USP3: variants seen among roughly 807,000 people sequenced by gnomAD.
USP3 encodes the protein ubiquitin specific peptidase 3.
Under a neutral mutation model 72.3 loss-of-function variants are expected in USP3, and 20 were observed. The ratio of observed to expected loss-of-function variants is 0.28; its 90% confidence interval spans 0.19 to 0.40. The LOEUF (loss-of-function observed/expected upper bound fraction) is 0.40. Ranked by LOEUF, USP3 falls within the 10% of genes least tolerant of loss-of-function variation. The pLI, the probability that USP3 is intolerant of heterozygous loss-of-function variation, is 1.00. For synonymous variants in USP3, 222 were observed against 225.3 expected (o/e 0.99, Z 0.13); for missense variants, 479 against 633.9 (o/e 0.76, Z 2.62).
chr15:63,563,392 C>T (rs2066638589), intron 8 of USP3, among the ~76,000 whole-genome samples: 1 of 152,144 alleles, frequency 6.6e-6, no homozygotes, highest in South Asian at 2.1e-4. Flanking sequence ...AGTAGAAGTG[C>T]ATGGTATTAT....
At position 63,528,995 on chromosome 15, in the gene USP3, A is replaced by G. The variant is rs2066026872; in HGVS notation, c.92-3652A>G. Reference sequence around the variant, plus strand: ...GCTTCAGAATCCCTCATAATACCCTATCCTCTGTATCTTTCTAGCCTTCAA... The same window carrying G: ...GCTTCAGAATCCCTCATAATACCCTGTCCTCTGTATCTTTCTAGCCTTCAA... On this transcript the variant is annotated intron_variant, in intron 1 of 14. Coordinates refer to ENST00000380324, the MANE Select transcript of USP3 (RefSeq NM_006537.4). The surrounding 1 kb of genome is among the most constrained non-coding windows in gnomAD (Gnocchi z 4.3). The G allele has an allele frequency of 7.8e-7, 1 of 1,288,416 alleles. No homozygotes were observed. Among genetic ancestry groups the G allele is most frequent in the South Asian group, 1.2e-5 (1 of 80,992 alleles). 79.8% of individuals were successfully genotyped at this position (1,288,416 alleles called of 1,614,324 possible). A position where few individuals can be genotyped will look rare whatever the true frequency, so the allele number is the denominator to read the frequency against.
At chr15:63,511,728 G>GAAGA (rs2065785543) in intron 1 of USP3, among the ~76,000 whole-genome samples, 1 of 152,118 alleles carries the variant, frequency 6.6e-6, no homozygotes, top group Non-Finnish European at 1.5e-5. Flanking sequence ...TTCTGTTAGA[G>GAAGA]AAGATTCTTC....
chr15:63,539,376 T>C (rs1228365204), intron 3 of USP3, among the ~76,000 whole-genome samples: 1 of 152,192 alleles, frequency 6.6e-6, no homozygotes, highest in African/African-American at 2.4e-5. Context: ...TAAATCGCTG[T>C]GTGCTATAAC....
intron 1 of USP3, among the ~76,000 whole-genome samples, chr15:63,519,887 T>C (rs2065897096): frequency 6.6e-6 from 1 of 152,166 alleles, no homozygotes. Flanking sequence ...AAGGTACTCA[T>C]CATTATTTAT....
chr15:63,527,267 A>G (rs1416908619), intron 1 of USP3, among the ~76,000 whole-genome samples: 1 of 152,228 alleles, frequency 6.6e-6, no homozygotes, highest in East Asian at 1.9e-4. Context: ...CACTAAGGAA[A>G]TAGACCCAGA....
intron 9 of USP3, among the ~76,000 whole-genome samples, chr15:63,573,228 A>G (rs1210527336): frequency 1.3e-5 from 2 of 152,252 alleles, no homozygotes; most frequent in Admixed American, 6.5e-5. Context: ...AAACACTTTA[A>G]GTGCTTTATT....
At chr15:63,551,852 G>A (rs2066441658) in intron 3 of USP3, 1 of 152,206 alleles carries the variant, frequency 6.6e-6, no homozygotes, top group Admixed American at 6.5e-5. Flanking sequence ...AGGGTAGAGA[G>A]GCAAAGCTGC....
In USP3 at chr15:63,574,314, CCTTTT is replaced by C; in HGVS notation, c.1016-8_1016-4del. The C allele has an allele frequency of 2.5e-6, 4 of 1,577,122 alleles. No homozygotes were observed. Among genetic ancestry groups the C allele is most frequent in the South Asian group, 1.2e-5 (1 of 82,784 alleles). ...AACAGCTCTCTGTTTACCTCTCTCT[CCTTTT>C]AAGACCTTTCATTAGATATTCCAAG... On this transcript the variant is annotated splice_polypyrimidine_tract_variant and splice_region_variant and intron_variant, in intron 10 of 14. Transcript: ENST00000380324. This position sits in a 1 kb window ranked among gnomAD's most constrained non-coding sequence, Gnocchi z 4.6.
intron 11 of USP3, among the ~76,000 whole-genome samples, chr15:63,586,333 T>A (rs763214435): frequency 2.0e-5 from 3 of 152,242 alleles, no homozygotes; most frequent in Admixed American, 2.0e-4. Context: ...CTTTGTCATG[T>A]TGAAGTTCTC....
intron 11 of USP3, among the ~76,000 whole-genome samples, chr15:63,579,912 A>AAAGAT (rs1363389763): frequency 2.6e-5 from 4 of 152,236 alleles, no homozygotes; most frequent in Non-Finnish European, 4.4e-5. Flanking sequence ...TCAGTGGAAG[A>AAAGAT]GGACACTCGT....
chr15:63,533,760 C>A, intron 2 of USP3: 2 of 870,650 alleles, frequency 2.3e-6, no homozygotes, highest in Non-Finnish European at 1.6e-6. Flanking sequence ...AAAATGTTAA[C>A]TGCATTTCTT....
At chr15:63,545,984 A>AAC (rs1414492331) in intron 3 of USP3, among the ~76,000 whole-genome samples, 4 of 150,592 alleles carry the variant, frequency 2.7e-5, no homozygotes, top group South Asian at 2.1e-4. Context: ...AAAAAAAAAA[A>AAC]AAAAAAAAAA....
chr15:63,580,710 TTATA>T (rs2066942856), intron 11 of USP3, among the ~76,000 whole-genome samples: 3 of 145,722 alleles, frequency 2.1e-5, no homozygotes, highest in Admixed American at 6.9e-5. Flanking sequence ...ATTTTAATAT[TTATA>T]TAAATATATA....
chr15:63,507,588 T>A (rs2065729901), intron 1 of USP3, among the ~76,000 whole-genome samples: 1 of 152,216 alleles, frequency 6.6e-6, no homozygotes. Flanking sequence ...TAGAACAGAC[T>A]GGCTTTATGC....
chr15:63,512,308 T>C (rs146311723), intron 1 of USP3, among the ~76,000 whole-genome samples: 19,882 of 141,948 alleles, frequency 0.14, 1,786 homozygotes, highest in South Asian at 0.21. Context: ...CTTCCTCCTC[T>C]TCTTCTTCTT....
rs186995630 is a variant in USP3, at chr15:63,589,467, A to C, written c.1397+456A>C. On this transcript the variant is annotated intron_variant, in intron 14 of 14. Coordinates refer to ENST00000380324, the MANE Select transcript of USP3 (RefSeq NM_006537.4). ...GTTTGAGAGTGGCTATTTTACCTTCAAACTTAAGACTACTATATGTGGGCA... is the reference window on the plus strand; with the variant it reads ...GTTTGAGAGTGGCTATTTTACCTTCCAACTTAAGACTACTATATGTGGGCA... 1.0e-3 allele frequency among the ~76,000 whole-genome samples: 159 copies of C among 152,306 alleles called. 1 individual carries two copies. Among genetic ancestry groups the C allele is most frequent in the African/African-American group, 3.8e-3 (158 of 41,568 alleles).
intron 1 of USP3, among the ~76,000 whole-genome samples, chr15:63,514,980 A>G (rs1247841498): frequency 1.3e-5 from 2 of 152,268 alleles, no homozygotes; most frequent in East Asian, 1.9e-4. Flanking sequence ...TTTATTTTCT[A>G]TATGATCAGC....
intron 3 of USP3, chr15:63,541,926 T>G (rs1253836031): frequency 3.5e-5 from 11 of 314,110 alleles, no homozygotes; most frequent in Non-Finnish European, 5.1e-5. Flanking sequence ...TATTTATTTA[T>G]TTTTGGTATT....
intron 7 of USP3, among the ~76,000 whole-genome samples, chr15:63,560,798 G>A (rs2066596910): frequency 6.6e-6 from 1 of 152,130 alleles, no homozygotes; most frequent in African/African-American, 2.4e-5. Context: ...TATGACAATT[G>A]TAGTGAGCAC....
Sources: allele counts gnomAD v4.1 joint callset (sites outside exome capture counted in the v4.1 genomes callset), GRCh38; gene constraint gnomAD v4.1.1; non-coding constraint Gnocchi (gnomAD v3.1); transcripts MANE v1.5; gene names NCBI Gene and HGNC (gene_info 2026-07-23, HGNC 2026-07-21).